MPHOSPH8: variants seen among roughly 807,000 people sequenced by gnomAD.
MPHOSPH8 encodes the protein M-phase phosphoprotein 8.
In MPHOSPH8, 45 loss-of-function variants were observed where a neutral mutation model predicts 87.3. The ratio of observed to expected loss-of-function variants is 0.52; its 90% CI spans 0.41 to 0.66. The LOEUF (loss-of-function observed/expected upper bound fraction) is 0.66, where lower values mean the gene tolerates loss of function less well. Among genes scored for constraint, MPHOSPH8 ranks in the 30% least tolerant of loss-of-function variants. The pLI is 0.00. For synonymous variants in MPHOSPH8, 366 were observed against 376.9 expected, an observed-to-expected ratio of 0.97 and a Z score of 0.33; for missense variants, 883 against 1,020.2, an observed-to-expected ratio of 0.87 and a Z score of 1.83.
chr13:19,655,397 G>A (rs1875102076), intron 5 of MPHOSPH8, among the ~76,000 whole-genome samples: 1 of 152,202 alleles, frequency 6.6e-6, no homozygotes, highest in Non-Finnish European at 1.5e-5. Context: ...GAGCCCGGAA[G>A]TTCGAGGATG....
intron 5 of MPHOSPH8, among the ~76,000 whole-genome samples, chr13:19,653,143 C>T (rs549352245): frequency 6.6e-6 from 1 of 152,152 alleles, no homozygotes; most frequent in South Asian, 2.1e-4. Flanking sequence ...TGGGAGATAC[C>T]TCCCAGTAGG....
chr13:19,667,244 A>G (rs899718071), intron 10 of MPHOSPH8, among the ~76,000 whole-genome samples: 3 of 152,180 alleles, frequency 2.0e-5, no homozygotes, highest in African/African-American at 7.2e-5. Flanking sequence ...AACACTTTTA[A>G]GCACAGCAAA....
chr13:19,651,594 G>T (rs1050077044), intron 5 of MPHOSPH8, among the ~76,000 whole-genome samples: 1 of 151,982 alleles, frequency 6.6e-6, no homozygotes, highest in African/African-American at 2.4e-5. Flanking sequence ...TACTCTGGAG[G>T]CGAGGCAGGA....
At position 19,647,035 on chromosome 13, in the gene MPHOSPH8, A is replaced by T. The variant is rs148094292; in HGVS notation, c.962A>T (p.Glu321Val). 103 of 1,606,926 alleles carry T rather than the reference A, an allele frequency of 6.4e-5. No homozygotes were observed. The highest frequency in any genetic ancestry group is 7.3e-5 in the Non-Finnish European group (86 of 1,178,210). Reference protein sequence around the residue: ...EKPLDSAMSAEEDTDVRGRRK... With the variant: ...EKPLDSAMSAVEDTDVRGRRK... ...CCCCTAGACAGTGCCATGAGTGCTG[A>T]GGAGGATACCGATGTCAGAGGCAGG... Residue 321 changes from glutamate (E) to valine (V), a missense_variant, in exon 3 of 14, where the codon GAG (glutamate) becomes GTG (valine). Transcript: ENST00000361479.
In MPHOSPH8 at chr13:19,671,867, C is replaced by T. The variant is rs143488692; in HGVS notation, c.2575C>T (p.Leu859=). 2,743 of 1,614,080 alleles carry T rather than the reference C, an allele frequency of 1.7e-3. 43 individuals carry two copies. In the African/African-American group the frequency reaches 0.032, roughly 19 times the overall value. ...GCTAATAGGTGCATACAGAGTGCAGCTGCAGTGACCAAACAGAAGGGACTG... is the reference window on the plus strand; with the variant it reads ...GCTAATAGGTGCATACAGAGTGCAGTTGCAGTGACCAAACAGAAGGGACTG... The part of the protein sequence containing the change: ...KLLIGAYRVQ[L]Q The change falls in exon 14 of 14, where the codon CTG becomes TTG. Residue 859 remains leucine, a synonymous_variant. Coordinates refer to ENST00000361479, the MANE Select transcript of MPHOSPH8 (RefSeq NM_017520.4).
rs374349485 is a variant in MPHOSPH8, at chr13:19,667,097, G to A, written c.2174+518G>A. Among the ~76,000 whole-genome samples, 5 of 152,228 alleles carry A rather than the reference G, an allele frequency of 3.3e-5. No individual in the cohort carries two copies. In the East Asian group the frequency reaches 9.7e-4, roughly 29 times the overall value. On this transcript the variant is annotated intron_variant, in intron 10 of 13. Coordinates refer to ENST00000361479, the MANE Select transcript of MPHOSPH8 (RefSeq NM_017520.4). ...GAATCGCTTGAACCCGGGAGGCGGA[G>A]GTTGCAGTGACCTGAGATCACACCA...
chr13:19,671,241 A>G lies in MPHOSPH8; in HGVS notation c.2493A>G (p.Ala831=). The G allele has an allele frequency of 6.2e-7, 1 of 1,613,972 alleles. No homozygotes were observed. Among genetic ancestry groups the G allele is most frequent in the Non-Finnish European group, 8.5e-7 (1 of 1,180,002 alleles). ...SHFVYSFSPV[A]GPNKLFIRLT... is the part of the protein sequence containing the mutation. Reference sequence around the variant, plus strand: ...TTGTTTACTCATTCAGCCCTGTTGCAGGTCCCAATAAACTCTTCATAAGGT... The same window carrying G: ...TTGTTTACTCATTCAGCCCTGTTGCGGGTCCCAATAAACTCTTCATAAGGT... The change falls in exon 13 of 14, where the codon GCA becomes GCG. Residue 831 remains alanine, a synonymous_variant. Coordinates refer to ENST00000361479, the MANE Select transcript of MPHOSPH8 (RefSeq NM_017520.4).
chr13:19,650,421 A>G, intron 5 of MPHOSPH8, 161 bp downstream of exon 5: 1 of 757,656 alleles, frequency 1.3e-6, no homozygotes, highest in Non-Finnish European at 2.0e-6. Context: ...AAGACGGGTC[A>G]TTCTGTGACT....
rs1224969523 is a variant in MPHOSPH8, at chr13:19,647,011, C to T, written c.938C>T (p.Pro313Leu). 1.2e-6 allele frequency: 2 copies of T among 1,602,548 alleles called. No homozygotes were observed. The highest frequency in any genetic ancestry group is 2.2e-5 in the East Asian group (1 of 44,800). The change falls in exon 3 of 14, where the codon CCC (proline) becomes CTC (leucine). Residue 313 changes from proline (P) to leucine (L), a missense_variant. By Grantham distance (98) the Pro-to-Leu change is moderately conservative. Transcript: ENST00000361479. ...DMGLEHGFEK[P>L]LDSAMSAEED... ...GGGCTGGAGCATGGCTTTGAGAAGC[C>T]CCTAGACAGTGCCATGAGTGCTGAG...
rs201074245 is a variant in MPHOSPH8 at position 19,650,185 on chromosome 13, G to T, written c.1501G>T (p.Asp501Tyr). Reference sequence around the variant, plus strand: ...AAGGAGAAACACCAGAGACGAAACGGATACTTGGGCATACATTGCTGCAGA... The same window carrying T: ...AAGGAGAAACACCAGAGACGAAACGTATACTTGGGCATACATTGCTGCAGA... ...KERRNTRDET[D>Y]TWAYIAAEGD... is the part of the protein sequence containing the mutation. Residue 501 changes from aspartate to tyrosine, a missense_variant, in exon 5 of 14, where the codon GAT becomes TAT. Physicochemically the swap from Asp to Tyr is radical, Grantham distance 160. Coordinates refer to ENST00000361479, the MANE Select transcript of MPHOSPH8 (RefSeq NM_017520.4). 1 of 1,614,176 alleles carries T rather than the reference G, an allele frequency of 6.2e-7. No individual in the cohort carries two copies. The highest frequency in any genetic ancestry group is 1.7e-5 in the Admixed American group (1 of 60,030).
At chr13:19,661,918 A>G in intron 8 of MPHOSPH8, 80 bp downstream of exon 8, 1 of 1,462,918 alleles carries the variant, frequency 6.8e-7, no homozygotes, top group Non-Finnish European at 9.1e-7. Context: ...TTTGGTAGTG[A>G]AATATAGCAG....
chr13:19,650,198 A>G lies in MPHOSPH8; in HGVS notation c.1514A>G (p.Tyr505Cys). ...AGAGACGAAACGGATACTTGGGCATACATTGCTGCAGAAGGTGATCAGGAG... is the reference window on the plus strand; with the variant it reads ...AGAGACGAAACGGATACTTGGGCATGCATTGCTGCAGAAGGTGATCAGGAG... ...NTRDETDTWA[Y>C]IAAEGDQEVL... Residue 505 changes from tyrosine (Y) to cysteine (C), a missense_variant, in exon 5 of 14, where the codon TAC (tyrosine) becomes TGC (cysteine). This residue lies in a region of MPHOSPH8 where 741 missense variants were observed against 841.5 expected (regional missense o/e 0.88). Transcript: ENST00000361479. 2 of 1,614,210 alleles carry G rather than the reference A, an allele frequency of 1.2e-6. No homozygotes were observed. The highest frequency in any genetic ancestry group is 1.7e-6 in the Non-Finnish European group (2 of 1,180,034).
chr13:19,667,285 C>T (rs67873883), intron 10 of MPHOSPH8, among the ~76,000 whole-genome samples: 16,643 of 152,170 alleles, frequency 0.11, 1,093 homozygotes, highest in African/African-American at 0.18. Flanking sequence ...TTCCAAGCCT[C>T]CCCACCGCCA....
chr13:19,652,153 G>C (rs1018401014), intron 5 of MPHOSPH8, among the ~76,000 whole-genome samples: 10 of 152,204 alleles, frequency 6.6e-5, no homozygotes, highest in Admixed American at 6.5e-4. Context: ...TGGCCGAATA[G>C]GAACAGCTCC....
chr13:19,633,875 A>G lies in MPHOSPH8; in HGVS notation c.127A>G (p.Arg43Gly), dbSNP rs1169561090. 4 of 1,611,604 alleles carry G rather than the reference A, an allele frequency of 2.5e-6. No individual in the cohort carries two copies. In the South Asian group the frequency reaches 4.4e-5, roughly 18 times the overall value. Reference sequence around the variant, plus strand: ...GGGCGAAGATAATGACGCAGCCGCGAGAGGAGCGGAGGCCTTTGGCGACAG... The same window carrying G: ...GGGCGAAGATAATGACGCAGCCGCGGGAGGAGCGGAGGCCTTTGGCGACAG... ...VVGEDNDAAA[R>G]GAEAFGDSEE... The change falls in exon 1 of 14, where the codon AGA becomes GGA. Residue 43 changes from arginine to glycine, a missense_variant. Physicochemically the swap from Arg to Gly is moderately radical, Grantham distance 125. This residue lies in a region of MPHOSPH8 where 103 missense variants were observed against 96.3 expected (regional missense o/e 1.07). Transcript: ENST00000361479.
chr13:19,655,461 CTG>C (rs973248496), intron 5 of MPHOSPH8, among the ~76,000 whole-genome samples: 1 of 151,946 alleles, frequency 6.6e-6, no homozygotes, highest in Non-Finnish European at 1.5e-5. Flanking sequence ...GAGTGAGACT[CTG>C]TCTCAAAAAC....
chr13:19,642,355 T>TACAAATA, intron 2 of MPHOSPH8, 85 bp downstream of exon 2: 1 of 1,146,804 alleles, frequency 8.7e-7, no homozygotes, highest in East Asian at 2.9e-5. Context: ...GTAAATGATT[T>TACAAATA]ACAAATAACA....
Position 19,657,232 on chromosome 13 carries a change from G to A in MPHOSPH8, c.1577-1763G>A, listed in dbSNP as rs7996109. Among the ~76,000 whole-genome samples the A allele has an allele frequency of 2.1e-3, 310 of 145,992 alleles. 1 individual carries two copies. Among genetic ancestry groups the A allele is most frequent in the African/African-American group, 5.8e-3 (227 of 39,476 alleles). On this transcript the variant is annotated intron_variant, in intron 5 of 13. Transcript: ENST00000361479. The stretch of plus-strand genomic sequence containing the variant: ...CCATTTTTATTAGAAAACAGTTTTA[G>A]GGTCCAGGCACGGTGGTTCACGCCT...
At chr13:19,670,821 T>A in intron 12 of MPHOSPH8, 1 of 22,246 alleles carries the variant, frequency 4.5e-5, no homozygotes, top group Non-Finnish European at 8.0e-5. Context: ...AATAAATCAC[T>A]TTTTTTTTTT....
Sources: gnomAD v4.1 joint callset for allele counts (sites outside exome capture counted in the v4.1 genomes callset) on GRCh38, gnomAD v4.1.1 for gene constraint, gnomAD v4.1.1 regional missense constraint, MANE v1.5 for transcripts, NCBI Gene and HGNC (gene_info 2026-07-23, HGNC 2026-07-21) for gene names.